PIEZO1: variants seen among roughly 807,000 people sequenced by gnomAD.
The protein encoded by PIEZO1 is piezo type mechanosensitive ion channel component 1 (Er blood group).
PIEZO1 carries 296 observed loss-of-function variants against 297.2 expected under a neutral mutation model. That is an observed-to-expected ratio of 1.00 (90% CI 0.91 to 1.10). The LOEUF (loss-of-function observed/expected upper bound fraction) is 1.10, where lower values mean the gene tolerates loss of function less well. Among genes scored for constraint, PIEZO1 ranks in the 50% least tolerant of loss-of-function variants. The pLI, the probability that PIEZO1 is intolerant of heterozygous loss-of-function variation, is 0.00. For synonymous variants in PIEZO1, 2,427 were observed against 1,507.5 expected, an observed-to-expected ratio of 1.61 and a Z score of -14.13; for missense variants, 5,018 against 3,455.5, an observed-to-expected ratio of 1.45 and a Z score of -11.34.
At chr16:88,737,438 G>A in intron 10 of PIEZO1, 121 bp downstream of exon 10, 1 of 663,606 alleles carries the variant, frequency 1.5e-6, no homozygotes, top group Non-Finnish European at 2.5e-6. Flanking sequence ...GGGCCCCCGA[G>A]GGGGCGGCAG....
At position 88,723,014 on chromosome 16, in the gene PIEZO1, G is replaced by A. The variant is rs757921037; in HGVS notation, c.4496-5C>T. ...TCTGCACCACATGGCTCCGGCCTGC[G>A]GGAGGGCGGGAGGGGGCGCTGGAGG... On this transcript the variant is annotated splice_polypyrimidine_tract_variant and splice_region_variant and intron_variant, in intron 33 of 50. Transcript: ENST00000301015. 1.6e-5 allele frequency: 25 copies of A among 1,543,964 alleles called. No individual in the cohort carries two copies. Among genetic ancestry groups the A allele is most frequent in the South Asian group, 7.1e-5 (6 of 83,934 alleles).
Position 88,725,446 on chromosome 16 carries a change from G to A in PIEZO1, c.4132C>T (p.Leu1378=). 3 of 1,484,842 alleles carry A rather than the reference G, an allele frequency of 2.0e-6. No individual in the cohort carries two copies. Among genetic ancestry groups the A allele is most frequent in the Non-Finnish European group, 1.8e-6 (2 of 1,114,710 alleles). The allele number at this position is 1,484,842 out of a possible 1,614,324, so 92.0% of individuals were successfully genotyped here. A position where few individuals can be genotyped will look rare whatever the true frequency, so the allele number is the denominator to read the frequency against. ...RVDRSRPQDT[L]GPKDPGLEPG... is the part of the protein sequence containing the mutation. Reference sequence around the variant, plus strand: ...TCCAGGCCGGGGTCCTTGGGGCCCAGGGTGTCCTGGGGGCGACTGCGGTCC... The same window carrying A: ...TCCAGGCCGGGGTCCTTGGGGCCCAAGGTGTCCTGGGGGCGACTGCGGTCC... Residue 1378 remains leucine (L), a synonymous_variant, in exon 29 of 51, where the codon CTG becomes TTG. Transcript: ENST00000301015.
Position 88,720,431 on chromosome 16 carries a change from T to G in PIEZO1, c.5903A>C (p.Asp1968Ala). 2 of 1,550,268 alleles carry G rather than the reference T, an allele frequency of 1.3e-6. No homozygotes were observed. The highest frequency in any genetic ancestry group is 1.2e-5 in the South Asian group (1 of 84,038). Residue 1968 changes from aspartate (D) to alanine (A), a missense_variant, in exon 41 of 51, where the codon GAT (aspartate) becomes GCT (alanine). Coordinates refer to ENST00000301015, the MANE Select transcript of PIEZO1 (RefSeq NM_001142864.4). ...TDVYALMFLA[D>A]VVDFIIIIFG... ...AATGATGATGATGAAGTCGACAACA[T>G]CAGCCAGGAACATGAGGGCATAGAC... is the stretch of plus-strand genomic sequence containing the variant.
At position 88,715,999 on chromosome 16, in the gene PIEZO1, A is replaced by G. The variant is rs1020225505; in HGVS notation, c.7250T>C (p.Leu2417Pro). The part of the protein sequence containing the change: ...ELQECRTDCN[L>P]LPMVIFSDKV... Reference sequence around the variant, plus strand: ...GTCACTGAAAATGACCATGGGCAGCAGGTTGCAGTCGGTCCGGCACTCCTG... The same window carrying G: ...GTCACTGAAAATGACCATGGGCAGCGGGTTGCAGTCGGTCCGGCACTCCTG... The change falls in exon 50 of 51, where the codon CTG (leucine) becomes CCG (proline). Residue 2417 changes from leucine (L) to proline (P), a missense_variant. Leu to Pro is a moderately conservative substitution (Grantham distance 98). Coordinates refer to ENST00000301015, the MANE Select transcript of PIEZO1 (RefSeq NM_001142864.4). The G allele has an allele frequency of 1.4e-5, 21 of 1,550,224 alleles. No individual in the cohort carries two copies. The highest frequency in any genetic ancestry group is 1.8e-5 in the Non-Finnish European group (21 of 1,146,914).
At position 88,726,820 on chromosome 16, in the gene PIEZO1, G is replaced by C. The variant is rs928708991; in HGVS notation, c.3594C>G (p.Leu1198=). The C allele has an allele frequency of 1.9e-6, 3 of 1,550,232 alleles. No homozygotes were observed. Among genetic ancestry groups the C allele is most frequent in the African/African-American group, 1.4e-5 (1 of 73,028 alleles). Residue 1198 remains leucine, a synonymous_variant, in exon 25 of 51, where the codon CTC becomes CTG. Transcript: ENST00000301015. The stretch of plus-strand genomic sequence containing the variant: ...CCCTCTGCAGCAGGGCCGTGCCGAA[G>C]AGCAGCAGGTAGAAGCAGGCCAGCA... ...GYLLACFYLL[L]FGTALLQRDT...
chr16:88,737,731 G>A lies in PIEZO1; in HGVS notation c.1104C>T (p.Asp368=). Residue 368 remains aspartate, a synonymous_variant, in exon 9 of 51, where the codon GAC becomes GAT. Coordinates refer to ENST00000301015, the MANE Select transcript of PIEZO1 (RefSeq NM_001142864.4). ...CTCCACCTGCCTGGCTGCTCACCTG[G>A]TCAGACTCCCGTTCCTGGGGCCACT... The part of the protein sequence containing the change: ...LDQWPQERES[D]QHVVPTAPDT... 6.5e-7 allele frequency: 1 copy of A among 1,535,430 alleles called. No homozygotes were observed. The highest frequency in any genetic ancestry group is 8.7e-7 in the Non-Finnish European group (1 of 1,146,560).
Position 88,734,558 on chromosome 16 carries a change from G to C in PIEZO1, c.1998-20C>G. ...CCCAGCCTGTGGAGGGGCAGCATCAGCACCGGCCCGGCCCCCGGCAGAGCC... is the reference window on the plus strand; with the variant it reads ...CCCAGCCTGTGGAGGGGCAGCATCACCACCGGCCCGGCCCCCGGCAGAGCC... On this transcript the variant is annotated intron_variant, in intron 15 of 50. Coordinates refer to ENST00000301015, the MANE Select transcript of PIEZO1 (RefSeq NM_001142864.4). 2 of 1,543,304 alleles carry C rather than the reference G, an allele frequency of 1.3e-6. No individual in the cohort carries two copies. The highest frequency in any genetic ancestry group is 8.8e-7 in the Non-Finnish European group (1 of 1,142,810).
intron 21 of PIEZO1, among the ~76,000 whole-genome samples, 175 bp from the exon 22 acceptor site, chr16:88,732,085 C>G (rs942987911): frequency 2.0e-5 from 3 of 151,962 alleles, no homozygotes; most frequent in Non-Finnish European, 4.4e-5. Context: ...CAGTTGCCAT[C>G]GTGCAGGGGA....
intron 1 of PIEZO1, among the ~76,000 whole-genome samples, chr16:88,766,894 G>T (rs890955266): frequency 6.6e-6 from 1 of 152,228 alleles, no homozygotes; most frequent in Non-Finnish European, 1.5e-5. Flanking sequence ...ACTGGCTAGA[G>T]TGGGCCTCAG....
chr16:88,726,532 G>C lies in PIEZO1; in HGVS notation c.3796+15C>G, dbSNP rs766740755. On this transcript the variant is annotated intron_variant, in intron 26 of 50. Transcript: ENST00000301015. ...CTTCCCCACGCCCTCCCCCGCCACC[G>C]TCCTGGCCACTCACGGTCATAGTAG... is the stretch of plus-strand genomic sequence containing the variant. 2 of 1,548,234 alleles carry C rather than the reference G, an allele frequency of 1.3e-6. No homozygotes were observed. The highest frequency in any genetic ancestry group is 2.7e-5 in the African/African-American group (2 of 73,088).
intron 1 of PIEZO1, among the ~76,000 whole-genome samples, chr16:88,761,259 T>C (rs1452043260): frequency 2.6e-5 from 4 of 152,178 alleles, no homozygotes; most frequent in African/African-American, 7.2e-5. Flanking sequence ...CAGGGGTGAC[T>C]CCACCACGCC....
intron 1 of PIEZO1, among the ~76,000 whole-genome samples, chr16:88,750,833 C>T (rs1004104023): frequency 2.6e-5 from 4 of 152,162 alleles, no homozygotes; most frequent in Non-Finnish European, 4.4e-5. Flanking sequence ...CGCCAGCAGC[C>T]CATCCTCCAG....
chr16:88,717,348 CA>C lies in PIEZO1; in HGVS notation c.6472-138del, dbSNP rs891780166. ...ATGGCACAGCGGTAGTAATGGTGGG[CA>C]GACACAGGCCAGTGGAGTAGAACTA... On this transcript the variant is annotated intron_variant, in intron 44 of 50. Transcript: ENST00000301015. The C allele has an allele frequency of 4.2e-6, 3 of 716,586 alleles. No homozygotes were observed. In the African/African-American group the frequency reaches 5.2e-5, roughly 12 times the overall value. 44.4% of individuals were successfully genotyped at this position (716,586 alleles called of 1,614,324 possible).
At position 88,732,556 on chromosome 16, in the gene PIEZO1, G is replaced by A; in HGVS notation, c.2791-21C>T. 7 of 1,543,506 alleles carry A rather than the reference G, an allele frequency of 4.5e-6. No homozygotes were observed. The South Asian group carries it at 8.3e-5, about 18-fold the overall frequency. On this transcript the variant is annotated intron_variant, in intron 20 of 50. Coordinates refer to ENST00000301015, the MANE Select transcript of PIEZO1 (RefSeq NM_001142864.4). Reference sequence around the variant, plus strand: ...TGGTTCTGCGGAGGGCAAGGGTCAGGGGGCAGCCGGGTACTCGCCCGCCCA... The same window carrying A: ...TGGTTCTGCGGAGGGCAAGGGTCAGAGGGCAGCCGGGTACTCGCCCGCCCA...
Position 88,721,559 on chromosome 16 carries a change from G to C in PIEZO1, c.5382C>G (p.Phe1794Leu). Residue 1794 changes from phenylalanine (F) to leucine (L), a missense_variant, in exon 38 of 51, where the codon TTC (phenylalanine) becomes TTG (leucine). Transcript: ENST00000301015. ...KYDLVQLMAL[F>L]FHRSQLLCYG... ...TCACCAGCAGCTGGGAGCGGTGGAAGAAAAGGGCCATGAGCTGCACCAGGT... is the reference window on the plus strand; with the variant it reads ...TCACCAGCAGCTGGGAGCGGTGGAACAAAAGGGCCATGAGCTGCACCAGGT... The C allele has an allele frequency of 6.5e-7, 1 of 1,549,780 alleles. No homozygotes were observed. Among genetic ancestry groups the C allele is most frequent in the East Asian group, 2.4e-5 (1 of 40,898 alleles).
intron 19 of PIEZO1, chr16:88,732,957 A>AG (rs1178378399): frequency 1.7e-6 from 1 of 588,350 alleles, no homozygotes; most frequent in African/African-American, 1.9e-5. Context: ...TCCAGGGAGA[A>AG]GGAGGGATGT....
rs762154499 is a variant in PIEZO1 at position 88,735,253 on chromosome 16, C to G, written c.1558-7G>C. On this transcript the variant is annotated splice_polypyrimidine_tract_variant and splice_region_variant and intron_variant, in intron 12 of 50. Transcript: ENST00000301015. ...AGGTCAGGGTGTAGAGCAACTGTGACAAGCGCAGGGTGTCACAGTCAGCCG... is the reference window on the plus strand; with the variant it reads ...AGGTCAGGGTGTAGAGCAACTGTGAGAAGCGCAGGGTGTCACAGTCAGCCG... 3 of 1,543,634 alleles carry G rather than the reference C, an allele frequency of 1.9e-6. No homozygotes were observed. Among genetic ancestry groups the G allele is most frequent in the African/African-American group, 1.4e-5 (1 of 72,920 alleles).
intron 1 of PIEZO1, among the ~76,000 whole-genome samples, chr16:88,774,083 C>A (rs1907548210): frequency 6.6e-6 from 1 of 152,238 alleles, no homozygotes; most frequent in Non-Finnish European, 1.5e-5. Flanking sequence ...CAGCTCCCAA[C>A]ACAGCAGGAA....
At chr16:88,737,844 C>A in intron 8 of PIEZO1, 30 bp from the exon 9 acceptor site, 1 of 1,534,462 alleles carries the variant, frequency 6.5e-7, no homozygotes, top group Non-Finnish European at 8.7e-7. Context: ...GAGCCCAAAC[C>A]AGCTCCACAC....
Sources: gnomAD v4.1 joint callset for allele counts (sites outside exome capture counted in the v4.1 genomes callset) on GRCh38, gnomAD v4.1.1 for gene constraint, MANE v1.5 for transcripts, NCBI Gene and HGNC (gene_info 2026-07-23, HGNC 2026-07-21) for gene names.